CTBP1: variants seen among roughly 807,000 people sequenced by gnomAD.
CTBP1 encodes the protein C-terminal-binding protein 1.
A neutral mutation model predicts 42.1 loss-of-function variants in CTBP1; 11 were observed. The observed-to-expected ratio is 0.26, with a 90% CI of 0.16 to 0.43. The LOEUF (loss-of-function observed/expected upper bound fraction) is 0.43. Ranked by LOEUF, CTBP1 falls within the 20% of genes least tolerant of loss-of-function variation. CTBP1 has a pLI of 1.00. For synonymous variants in CTBP1, 324 were observed against 277.1 expected (o/e 1.17, Z -1.68); for missense variants, 399 against 624.3 (o/e 0.64, Z 3.85).
At chr4:1,244,199 G>A in intron 1 of CTBP1, 1 of 985,132 alleles carries the variant, frequency 1.0e-6, no homozygotes, top group African/African-American at 1.7e-5. Context: ...CCTCCCTCCT[G>A]TTGGCCACGC....
intron 9 of CTBP1, 136 bp downstream of exon 9, chr4:1,212,777 T>C (rs111992817): frequency 3.9e-5 from 29 of 752,300 alleles, no homozygotes; most frequent in South Asian, 3.8e-4. Context: ...TCAGGTGAGG[T>C]TGGCCTTACC....
chr4:1,244,278 T>G, intron 1 of CTBP1: 1 of 984,424 alleles, frequency 1.0e-6, no homozygotes, highest in South Asian at 4.7e-5. Context: ...AGGGACCGGG[T>G]TGCCCCGGCA....
chr4:1,224,824 T>C (rs1730150910), intron 5 of CTBP1, among the ~76,000 whole-genome samples: 2 of 149,744 alleles, frequency 1.3e-5, no homozygotes, highest in African/African-American at 2.5e-5. Flanking sequence ...CGTGAGGTCA[T>C]GTATACTGTG....
At position 1,243,338 on chromosome 4, in the gene CTBP1, T is replaced by C. The variant is rs944871660; in HGVS notation, c.-188-1819A>G. ...GTGAGGAGGCCGTGAGCTCCCGAGC[T>C]GAGGAACCTGTGGCAGGGCTCCTGG... On this transcript the variant is annotated intron_variant, in intron 1 of 9. Transcript: ENST00000382952. The C allele has an allele frequency of 2.8e-5, 28 of 985,272 alleles. No homozygotes were observed. The African/African-American group carries it at 4.5e-4, about 16-fold the overall frequency. 61.0% of individuals were successfully genotyped at this position (985,272 alleles called of 1,614,324 possible).
intron 1 of CTBP1, chr4:1,242,088 C>T (rs1002304370): frequency 2.6e-5 from 26 of 985,312 alleles, no homozygotes; most frequent in East Asian, 2.3e-4. Flanking sequence ...ATCCTGGCGA[C>T]GCTCCCTCAA....
intron 1 of CTBP1, 50 bp downstream of exon 1, chr4:1,248,866 C>T: frequency 6.5e-6 from 6 of 921,114 alleles, no homozygotes; most frequent in Non-Finnish European, 7.7e-6. Flanking sequence ...CGGCACCCGC[C>T]CCGCCCCGCC....
intron 1 of CTBP1, chr4:1,244,625 C>T: frequency 1.0e-6 from 1 of 985,380 alleles, no homozygotes; most frequent in Non-Finnish European, 1.2e-6. Context: ...ACAGCAGCCC[C>T]TAAAGCCGCT....
At chr4:1,242,635 C>T (rs939730083) in intron 1 of CTBP1, 22 of 985,324 alleles carry the variant, frequency 2.2e-5, no homozygotes, top group Middle Eastern at 5.2e-4. Flanking sequence ...GGGTCCCCAA[C>T]ACCACTCCTC....
intron 1 of CTBP1, chr4:1,245,313 G>A (rs762583933): frequency 1.2e-5 from 12 of 985,348 alleles, no homozygotes; most frequent in Admixed American, 6.1e-5. Context: ...GGAGCCGCAC[G>A]TTTCCCTGTT....
At chr4:1,231,566 G>A (rs1435835995) in intron 3 of CTBP1, among the ~76,000 whole-genome samples, 1 of 152,184 alleles carries the variant, frequency 6.6e-6, no homozygotes, top group African/African-American at 2.4e-5. Flanking sequence ...GAAGGGGCCC[G>A]CCAAGCCCAC....
chr4:1,212,818 T>TG (rs1427030197), intron 9 of CTBP1, 95 bp downstream of exon 9: 1 of 1,056,500 alleles, frequency 9.5e-7, no homozygotes, highest in East Asian at 2.4e-5. Flanking sequence ...GGTCAGTCAG[T>TG]GGAGACGCCG....
rs749556130 is a variant in CTBP1 at position 1,238,493 on chromosome 4, C to T, written c.8-156G>A. On this transcript the variant is annotated intron_variant, in intron 2 of 9. Transcript: ENST00000382952. This position sits in a 1 kb window ranked among gnomAD's most constrained non-coding sequence, Gnocchi z 5.9. The stretch of plus-strand genomic sequence containing the variant: ...TATTTGTAAAAAGTAAATTAAAAAT[C>T]CACGTGAAAGACAACTCGTGTGTGC... Among the ~76,000 whole-genome samples, 1 of 152,168 alleles carries T rather than the reference C, an allele frequency of 6.6e-6. No homozygotes were observed. The highest frequency in any genetic ancestry group is 1.5e-5 in the Non-Finnish European group (1 of 68,034).
Position 1,238,993 on chromosome 4 carries a change from G to A in CTBP1, c.8-656C>T, listed in dbSNP as rs943752898. ...CCTGATGGGGTCACCAGTGTTTCAC[G>A]TAGGACGCCCCCAACCCTCTGCCTG... On this transcript the variant is annotated intron_variant, in intron 2 of 9. Coordinates refer to ENST00000382952, the MANE Select transcript of CTBP1 (RefSeq NM_001012614.2). This position sits in a 1 kb window ranked among gnomAD's most constrained non-coding sequence, Gnocchi z 5.9. 3.3e-5 allele frequency among the ~76,000 whole-genome samples: 5 copies of A among 152,170 alleles called. No homozygotes were observed. The highest frequency in any genetic ancestry group is 9.7e-5 in the African/African-American group (4 of 41,422).
Position 1,238,972 on chromosome 4 carries a change from A to T in CTBP1, c.8-635T>A, listed in dbSNP as rs1731870647. ...ACCGCGTGGCTGCCCGGAATCCCTG[A>T]TGGGGTCACCAGTGTTTCACGTAGG... On this transcript the variant is annotated intron_variant, in intron 2 of 9. Transcript: ENST00000382952. This position sits in a 1 kb window ranked among gnomAD's most constrained non-coding sequence, Gnocchi z 5.9. Among the ~76,000 whole-genome samples, 1 of 152,158 alleles carries T rather than the reference A, an allele frequency of 6.6e-6. No homozygotes were observed. Among genetic ancestry groups the T allele is most frequent in the African/African-American group, 2.4e-5 (1 of 41,434 alleles).
chr4:1,245,478 G>A (rs1043587758), intron 1 of CTBP1: 2 of 985,312 alleles, frequency 2.0e-6, no homozygotes, highest in Admixed American at 6.1e-5. Flanking sequence ...AGCCTCGGAT[G>A]CCTCTGAGGC....
intron 1 of CTBP1, chr4:1,244,081 G>A (rs976344746): frequency 3.0e-6 from 3 of 985,432 alleles, no homozygotes; most frequent in Non-Finnish European, 3.6e-6. Flanking sequence ...TTCTCTGGAG[G>A]CATCAAGTCC....
chr4:1,245,067 A>T, intron 1 of CTBP1: 1 of 983,932 alleles, frequency 1.0e-6, no homozygotes, highest in Non-Finnish European at 1.2e-6. Context: ...CCCCAGACAG[A>T]CAAGGCCCGT....
In CTBP1 at chr4:1,238,961, CG is replaced by C. The variant is rs1731869926; in HGVS notation, c.8-625del. On this transcript the variant is annotated intron_variant, in intron 2 of 9. Transcript: ENST00000382952. This position sits in a 1 kb window ranked among gnomAD's most constrained non-coding sequence, Gnocchi z 5.9. ...CTGCCTGGGCTACCGCGTGGCTGCC[CG>C]GAATCCCTGATGGGGTCACCAGTGT... is the stretch of plus-strand genomic sequence containing the variant. 6.6e-6 allele frequency among the ~76,000 whole-genome samples: 1 copy of C among 152,156 alleles called. No homozygotes were observed. Among genetic ancestry groups the C allele is most frequent in the Non-Finnish European group, 1.5e-5 (1 of 68,024 alleles).
At chr4:1,245,274 C>T (rs1732600782) in intron 1 of CTBP1, 1 of 985,456 alleles carries the variant, frequency 1.0e-6, no homozygotes, top group South Asian at 4.7e-5. Context: ...CATGGATTTG[C>T]CAGCAAGATT....
Sources: allele counts gnomAD v4.1 joint callset (sites outside exome capture counted in the v4.1 genomes callset), GRCh38; gene constraint gnomAD v4.1.1; non-coding constraint Gnocchi (gnomAD v3.1); transcripts MANE v1.5; gene names NCBI Gene and HGNC (gene_info 2026-07-23, HGNC 2026-07-21).